ZFHX3: variants seen among roughly 807,000 people sequenced by gnomAD.
ZFHX3 encodes the protein zinc finger homeobox protein 3.
ZFHX3 carries 42 observed loss-of-function variants against 279.1 expected under a neutral mutation model. The ratio of observed to expected loss-of-function variants is 0.15; its 90% CI spans 0.12 to 0.19. The LOEUF is 0.19. Ranked by LOEUF, ZFHX3 falls within the 10% of genes least tolerant of loss-of-function variation. The pLI, the probability that ZFHX3 is intolerant of heterozygous loss-of-function variation, is 1.00. For synonymous variants in ZFHX3, 2,293 were observed against 1,957.8 expected (o/e 1.17, Z -4.52); for missense variants, 4,981 against 4,754.0 (o/e 1.05, Z -1.40).
chr16:73,432,727 A>G (rs893169372), intron 3 of ZFHX3, among the ~76,000 whole-genome samples: 4 of 152,236 alleles, frequency 2.6e-5, no homozygotes, highest in African/African-American at 9.6e-5. Context: ...GGGACTGAGC[A>G]GCAGAAACCG....
At chr16:73,627,363 A>C (rs1386863283) in intron 2 of ZFHX3, among the ~76,000 whole-genome samples, 1 of 152,232 alleles carries the variant, frequency 6.6e-6, no homozygotes, top group Non-Finnish European at 1.5e-5. Context: ...AGATAGGATC[A>C]GATTTGCAGA....
At chr16:72,979,255 C>T (rs1274683926) in intron 1 of ZFHX3, among the ~76,000 whole-genome samples, 5 of 152,210 alleles carry the variant, frequency 3.3e-5, no homozygotes, top group African/African-American at 7.2e-5. Context: ...GGCTTCTCTT[C>T]GGAATACGCA....
At chr16:72,875,347 G>A (rs554490809) in intron 4 of ZFHX3, among the ~76,000 whole-genome samples, 1 of 152,346 alleles carries the variant, frequency 6.6e-6, no homozygotes, top group Admixed American at 6.5e-5. Flanking sequence ...TTGGTTGTGA[G>A]CCCAGCCCTG....
In ZFHX3 at chr16:73,471,598, C is replaced by T. The variant is rs187743010; in HGVS notation, c.-1546-15340G>A. ...CATGAATCTCTTTCTTTCTAAACAT[C>T]ATTCATCTTCAGTTTTACCCTTCAC... On this transcript the variant is annotated intron_variant, in intron 2 of 17. Transcript: ENST00000641206. Among the ~76,000 whole-genome samples the T allele has an allele frequency of 1.1e-3, 166 of 152,234 alleles. 1 individual carries two copies. The highest frequency in any genetic ancestry group is 9.6e-3 in the Admixed American group (146 of 15,286).
chr16:73,280,216 A>G (rs1266853369), intron 4 of ZFHX3, among the ~76,000 whole-genome samples: 1 of 152,216 alleles, frequency 6.6e-6, no homozygotes, highest in Non-Finnish European at 1.5e-5. Flanking sequence ...ATGTAACACC[A>G]AAAATACCGG....
intron 1 of ZFHX3, among the ~76,000 whole-genome samples, chr16:72,985,430 A>G (rs1316235797): frequency 2.0e-5 from 3 of 152,358 alleles, no homozygotes; most frequent in South Asian, 2.1e-4. Flanking sequence ...GAGTCCCAGG[A>G]AAGCCAGTTG....
intron 5 of ZFHX3, among the ~76,000 whole-genome samples, chr16:73,158,333 T>C (rs370967487): frequency 4.6e-5 from 7 of 152,308 alleles, no homozygotes; most frequent in African/African-American, 1.7e-4. Flanking sequence ...TTAAAATCTT[T>C]ATAAGACTGG....
chr16:73,058,148 C>T (rs1055606640), intron 1 of ZFHX3, among the ~76,000 whole-genome samples: 1 of 144,730 alleles, frequency 6.9e-6, no homozygotes, highest in Non-Finnish European at 1.5e-5. Context: ...ACTCGCCGCG[C>T]GGGCCTCGCC....
intron 2 of ZFHX3, among the ~76,000 whole-genome samples, chr16:73,536,352 G>C (rs548113614): frequency 3.3e-5 from 5 of 152,152 alleles, no homozygotes; most frequent in South Asian, 2.1e-4. Context: ...ACAGGTTCTT[G>C]GTAGTGAAAA....
chr16:72,927,590 G>T (rs1354242473), intron 3 of ZFHX3, among the ~76,000 whole-genome samples: 1 of 152,190 alleles, frequency 6.6e-6, no homozygotes, highest in Admixed American at 6.5e-5. Context: ...AAAGGCAGTG[G>T]CCTTCCCAGC....
At chr16:73,771,006 G>A (rs2054011803) in intron 1 of ZFHX3, among the ~76,000 whole-genome samples, 1 of 152,170 alleles carries the variant, frequency 6.6e-6, no homozygotes, top group Non-Finnish European at 1.5e-5. Flanking sequence ...CTAGCTGTGA[G>A]ATCTTGAGCA....
chr16:73,831,147 C>G (rs572905852), intron 1 of ZFHX3, among the ~76,000 whole-genome samples: 1 of 152,254 alleles, frequency 6.6e-6, no homozygotes, highest in South Asian at 2.1e-4. Context: ...CAGGCAACTC[C>G]CAGGGTATTC....
intron 2 of ZFHX3, among the ~76,000 whole-genome samples, chr16:73,650,573 T>G (rs1328894887): frequency 6.6e-6 from 1 of 152,194 alleles, no homozygotes; most frequent in Non-Finnish European, 1.5e-5. Flanking sequence ...ATATTCTAAT[T>G]TATTTTTACC....
At chr16:73,684,544 A>G (rs945899289) in intron 1 of ZFHX3, among the ~76,000 whole-genome samples, 6 of 152,196 alleles carry the variant, frequency 3.9e-5, no homozygotes, top group African/African-American at 1.4e-4. Flanking sequence ...AAACATACCC[A>G]TATCCTACTG....
intron 8 of ZFHX3, among the ~76,000 whole-genome samples, chr16:73,083,021 T>TAAAAAAAAAAAA (rs71156139): frequency 7.6e-6 from 1 of 132,046 alleles, no homozygotes; most frequent in Non-Finnish European, 1.6e-5. Flanking sequence ...CCATCTCTAC[T>TAAAAAAAAAAAA]AAAAAAAAAA....
chr16:73,227,848 C>CAAAAAAAAAAAAAAAAAAA (rs398029895), intron 5 of ZFHX3, among the ~76,000 whole-genome samples: 1 of 46,042 alleles, frequency 2.2e-5, no homozygotes, highest in African/African-American at 1.1e-4. Context: ...GATTCTGTCT[C>CAAAAAAAAAAAAAAAAAAA]AAAAAAAAAA....
chr16:73,486,956 T>G, intron 2 of ZFHX3: 1 of 433,650 alleles, frequency 2.3e-6, no homozygotes, highest in Non-Finnish European at 4.6e-6. Flanking sequence ...TACTGGGTAT[T>G]TATATCTTAG....
intron 8 of ZFHX3, among the ~76,000 whole-genome samples, chr16:73,083,721 GT>G (rs1567659350): frequency 6.6e-6 from 1 of 152,130 alleles, no homozygotes; most frequent in Non-Finnish European, 1.5e-5. Flanking sequence ...ATAGAGATGC[GT>G]TTTTGCCATG....
intron 3 of ZFHX3, among the ~76,000 whole-genome samples, chr16:72,894,534 G>C (rs987652585): frequency 6.6e-6 from 1 of 152,182 alleles, no homozygotes; most frequent in South Asian, 2.1e-4. Flanking sequence ...TAGGGAGTGT[G>C]CTAAGAGGCC....
Sources: allele counts gnomAD v4.1 joint callset (sites outside exome capture counted in the v4.1 genomes callset), GRCh38; gene constraint gnomAD v4.1.1; transcripts MANE v1.5; gene names NCBI Gene and HGNC (gene_info 2026-07-23, HGNC 2026-07-21).